LTBP1: variants seen among roughly 807,000 people sequenced by gnomAD.
LTBP1 encodes latent transforming growth factor beta binding protein 1, also known as latent-transforming growth factor beta-binding protein 1.
LTBP1 carries 129 observed loss-of-function variants against 207.6 expected under a neutral mutation model. The ratio of observed to expected loss-of-function variants is 0.62; its 90% CI spans 0.54 to 0.72. LTBP1 has a LOEUF of 0.72. LTBP1 is among the 30% of genes least tolerant of loss of function. The pLI is 0.00. For missense variants in LTBP1, 2,281 were observed against 2,217.2 expected (o/e 1.03, Z -0.58); for synonymous variants, 963 against 833.7 (o/e 1.16, Z -2.67).
At chr2:33,019,096 G>A (rs866548921) in intron 2 of LTBP1, among the ~76,000 whole-genome samples, 7 of 152,116 alleles carry the variant, frequency 4.6e-5, no homozygotes, top group Admixed American at 6.5e-5. Flanking sequence ...CCTGTTGTTC[G>A]TTTTGCTTGT....
intron 2 of LTBP1, among the ~76,000 whole-genome samples, chr2:32,964,401 T>G (rs1420650604): frequency 6.6e-6 from 1 of 152,340 alleles, no homozygotes; most frequent in Middle Eastern, 3.4e-3. Context: ...CAAAGACATG[T>G]CACTTGAATG....
At chr2:32,955,667 A>G (rs1677965542) in intron 2 of LTBP1, among the ~76,000 whole-genome samples, 1 of 152,172 alleles carries the variant, frequency 6.6e-6, no homozygotes, top group African/African-American at 2.4e-5. Flanking sequence ...GTACACACAA[A>G]CATAGAAGCT....
intron 4 of LTBP1, among the ~76,000 whole-genome samples, chr2:33,131,155 G>A (rs767971297): frequency 2.0e-4 from 31 of 152,086 alleles, no homozygotes; most frequent in Non-Finnish European, 3.4e-4. Flanking sequence ...CCCATGCTTC[G>A]GGTTACTTTG....
chr2:33,203,111 C>T (rs1485916415), intron 7 of LTBP1, among the ~76,000 whole-genome samples: 14 of 152,138 alleles, frequency 9.2e-5, no homozygotes, highest in South Asian at 8.3e-4. Context: ...TGTAGCCATC[C>T]GTGCCAAACC....
intron 32 of LTBP1, among the ~76,000 whole-genome samples, chr2:33,393,969 T>C (rs1449809757): frequency 1.3e-5 from 2 of 150,380 alleles, no homozygotes; most frequent in African/African-American, 2.4e-5. Context: ...TCCTGACTTT[T>C]TAATGATCGC....
chr2:33,176,262 T>C (rs145097019), intron 5 of LTBP1, among the ~76,000 whole-genome samples: 1 of 152,352 alleles, frequency 6.6e-6, no homozygotes, highest in East Asian at 1.9e-4. Context: ...AGTCTCGCTC[T>C]GTCGCGCAGG....
rs1342616238 is a variant in LTBP1 at position 33,201,315 on chromosome 2, A to T, written c.1701+12464A>T. Among the ~76,000 whole-genome samples, 6 of 152,342 alleles carry T rather than the reference A, an allele frequency of 3.9e-5. No homozygotes were observed. The East Asian group carries it at 7.7e-4, about 20-fold the overall frequency. On this transcript the variant is annotated intron_variant, in intron 7 of 33. Coordinates refer to ENST00000404816, the MANE Select transcript of LTBP1 (RefSeq NM_206943.4). ...TGCAGCCATAAAAAATGATGAGTTC[A>T]TGTCCTTTGTAGGGACAGGGATGAA...
At chr2:33,237,629 A>G (rs1055093817) in intron 9 of LTBP1, among the ~76,000 whole-genome samples, 1 of 152,248 alleles carries the variant, frequency 6.6e-6, no homozygotes, top group Non-Finnish European at 1.5e-5. Flanking sequence ...AGTCTCTGCC[A>G]TTTAACCTAA....
At chr2:33,223,121 G>GT (rs1373029825) in intron 9 of LTBP1, among the ~76,000 whole-genome samples, 1 of 152,162 alleles carries the variant, frequency 6.6e-6, no homozygotes, top group African/African-American at 2.4e-5. Context: ...CAGAGTATAG[G>GT]TTAACCCCCT....
At position 33,301,639 on chromosome 2, in the gene LTBP1, G is replaced by C. The variant is rs2093990690; in HGVS notation, c.3476G>C (p.Cys1159Ser). Reference protein sequence around the residue: ...GYRASGLGDHCEDINECLEDK... With the variant: ...GYRASGLGDHSEDINECLEDK... ...AGAGCATCTGGGCTTGGAGACCACT[G>C]TGAAGGTAAGAATTGCTCCTGATTT... The change falls in exon 22 of 34, where the codon TGT becomes TCT. Residue 1159 changes from cysteine to serine, a missense_variant. This residue lies in a region of LTBP1 where 1,671 missense variants were observed against 1,634.8 expected (regional missense o/e 1.02). Transcript: ENST00000404816. The C allele has an allele frequency of 6.3e-7, 1 of 1,591,614 alleles. No individual in the cohort carries two copies. Among genetic ancestry groups the C allele is most frequent in the South Asian group, 1.2e-5 (1 of 86,484 alleles).
At chr2:33,278,511 G>C (rs2093493086) in intron 18 of LTBP1, among the ~76,000 whole-genome samples, 1 of 152,166 alleles carries the variant, frequency 6.6e-6, no homozygotes, top group African/African-American at 2.4e-5. Context: ...GTCTATTGTA[G>C]TTTACAGACA....
At chr2:33,332,692 G>C (rs2094510424) in intron 24 of LTBP1, among the ~76,000 whole-genome samples, 2 of 151,986 alleles carry the variant, frequency 1.3e-5, no homozygotes, top group Admixed American at 1.3e-4. Flanking sequence ...AAGTAGCTGG[G>C]ACTACAGGCG....
intron 3 of LTBP1, among the ~76,000 whole-genome samples, chr2:33,087,725 A>C (rs2078844878): frequency 6.6e-6 from 1 of 152,238 alleles, no homozygotes; most frequent in Non-Finnish European, 1.5e-5. Context: ...ATTGTTTATA[A>C]AGTGCCGATG....
intron 31 of LTBP1, 119 bp downstream of exon 31, chr2:33,365,622 A>T (rs1478792322): frequency 8.1e-6 from 7 of 866,300 alleles, no homozygotes; most frequent in East Asian, 2.9e-5. Context: ...TCTTACTTTC[A>T]TCCCGTGTGT....
chr2:33,392,647 T>G (rs1379650536), intron 32 of LTBP1, among the ~76,000 whole-genome samples: 3 of 152,238 alleles, frequency 2.0e-5, no homozygotes, highest in East Asian at 1.9e-4. Flanking sequence ...GACCAGAGAC[T>G]GTAGTGTCCT....
intron 24 of LTBP1, among the ~76,000 whole-genome samples, chr2:33,319,244 A>G (rs891442300): frequency 6.6e-6 from 1 of 152,072 alleles, no homozygotes; most frequent in East Asian, 1.9e-4. Context: ...CTAAAAATAC[A>G]AAAATTAGCT....
rs151053370 is a variant in LTBP1, at chr2:33,073,709, C to G, written c.864-36873C>G. On this transcript the variant is annotated intron_variant, in intron 3 of 33. Transcript: ENST00000404816. ...TGACACAATCTCAGCTAACTGTAACCTCCGCCTCCCAGGTTCAAGCAATTC... is the reference window on the plus strand; with the variant it reads ...TGACACAATCTCAGCTAACTGTAACGTCCGCCTCCCAGGTTCAAGCAATTC... Among the ~76,000 whole-genome samples, 1,273 of 152,132 alleles carry G rather than the reference C, an allele frequency of 8.4e-3. 16 individuals carry two copies. Among genetic ancestry groups the G allele is most frequent in the African/African-American group, 0.028 (1,182 of 41,494 alleles).
intron 2 of LTBP1, among the ~76,000 whole-genome samples, chr2:33,016,008 T>G (rs1478671371): frequency 6.6e-6 from 1 of 152,046 alleles, no homozygotes; most frequent in African/African-American, 2.4e-5. Context: ...CACCTCCAAC[T>G]CTGGGGATTA....
intron 2 of LTBP1, among the ~76,000 whole-genome samples, chr2:32,957,494 C>T (rs1221326967): frequency 1.3e-5 from 2 of 152,132 alleles, no homozygotes; most frequent in Non-Finnish European, 2.9e-5. Flanking sequence ...GTCGGTGGAG[C>T]AGTCAGAACA....
Sources: allele counts gnomAD v4.1 joint callset (sites outside exome capture counted in the v4.1 genomes callset), GRCh38; gene constraint gnomAD v4.1.1; regional missense constraint gnomAD v4.1.1; transcripts MANE v1.5; gene names NCBI Gene and HGNC (gene_info 2026-07-23, HGNC 2026-07-21).